KLHL18: variants seen among roughly 807,000 people sequenced by gnomAD.
KLHL18 encodes the protein kelch-like protein 18.
Under a neutral mutation model 58.5 loss-of-function variants are expected in KLHL18, and 38 were observed. The ratio of observed to expected loss-of-function variants is 0.65; its 90% CI spans 0.50 to 0.85. KLHL18 has a LOEUF of 0.85. Among genes scored for constraint, KLHL18 ranks in the 40% least tolerant of loss-of-function variants. The pLI, the probability that KLHL18 is intolerant of heterozygous loss-of-function variation, is 0.00. For missense variants in KLHL18, 624 were observed against 778.4 expected (o/e 0.80, Z 2.36); for synonymous variants, 303 against 301.9 (o/e 1.00, Z -0.04).
intron 2 of KLHL18, among the ~76,000 whole-genome samples, chr3:47,321,645 C>T (rs562956446): frequency 2.0e-5 from 3 of 152,310 alleles, no homozygotes; most frequent in South Asian, 2.1e-4. Context: ...CCACTGCGCC[C>T]GGCTTCTGCC....
At chr3:47,325,830 C>T (rs1380212940) in intron 3 of KLHL18, among the ~76,000 whole-genome samples, 4 of 150,488 alleles carry the variant, frequency 2.7e-5, no homozygotes, top group Non-Finnish European at 4.4e-5. Flanking sequence ...AGTGCAGTTT[C>T]GTGATCTCGG....
intron 1 of KLHL18, among the ~76,000 whole-genome samples, chr3:47,295,049 T>C (rs557505470): frequency 1.2e-4 from 18 of 152,276 alleles, no homozygotes; most frequent in Admixed American, 3.3e-4. Flanking sequence ...AGCTTGTGTT[T>C]TCCGTGTATA....
intron 6 of KLHL18, among the ~76,000 whole-genome samples, chr3:47,335,839 G>C (rs1703972148): frequency 6.6e-6 from 1 of 152,136 alleles, no homozygotes; most frequent in Admixed American, 6.5e-5. Context: ...GTTAATGAGA[G>C]TTGGGTACTA....
At position 47,283,001 on chromosome 3, in the gene KLHL18, G is replaced by A. The variant is rs1481312392; in HGVS notation, c.36G>A (p.Leu12=). ...VEDGAEELED[L]VHFSVSELPS... is the part of the protein sequence containing the mutation. ...ACGGCGCGGAGGAGCTGGAGGATCT[G>A]GTGCACTTCTCCGTGTCTGAGTTGC... The change falls in exon 1 of 10, where the codon CTG becomes CTA. Residue 12 remains leucine (L), a synonymous_variant. Transcript: ENST00000232766. 5 of 1,611,354 alleles carry A rather than the reference G, an allele frequency of 3.1e-6. No individual in the cohort carries two copies. The South Asian group carries it at 4.4e-5, about 14-fold the overall frequency.
chr3:47,310,376 C>T (rs1322794490), intron 1 of KLHL18, among the ~76,000 whole-genome samples: 1 of 152,144 alleles, frequency 6.6e-6, no homozygotes, highest in Non-Finnish European at 1.5e-5. Flanking sequence ...TTTCTGTGTA[C>T]CTCCCTTCTG....
intron 1 of KLHL18, among the ~76,000 whole-genome samples, chr3:47,310,950 T>A (rs1263079042): frequency 2.5e-4 from 38 of 151,824 alleles, no homozygotes; most frequent in Admixed American, 2.5e-3. Flanking sequence ...ATACTCTATC[T>A]CCACAGAGTG....
At chr3:47,307,758 T>C (rs2107606096) in intron 1 of KLHL18, among the ~76,000 whole-genome samples, 1 of 152,204 alleles carries the variant, frequency 6.6e-6, no homozygotes, top group East Asian at 1.9e-4. Flanking sequence ...ATTTGATTTT[T>C]TTTCCATGTG....
chr3:47,294,543 G>T (rs540879085), intron 1 of KLHL18, among the ~76,000 whole-genome samples: 2 of 152,254 alleles, frequency 1.3e-5, no homozygotes, highest in Non-Finnish European at 2.9e-5. Flanking sequence ...GAGCCCTGAG[G>T]CAGGAGCACA....
At chr3:47,294,967 G>A (rs1444462597) in intron 1 of KLHL18, among the ~76,000 whole-genome samples, 2 of 151,030 alleles carry the variant, frequency 1.3e-5, no homozygotes, top group Non-Finnish European at 2.9e-5. Flanking sequence ...ACTTGTCAGC[G>A]GAGCCGTGAG....
At chr3:47,320,962 G>A (rs369447953) in intron 2 of KLHL18, among the ~76,000 whole-genome samples, 18 of 152,150 alleles carry the variant, frequency 1.2e-4, no homozygotes, top group African/African-American at 3.4e-4. Context: ...GAGGAAAGAC[G>A]TAGAAGTAAG....
rs1704224955 is a variant in KLHL18, at chr3:47,346,339, T to C, written c.*2398T>C. 1 of 152,632 alleles carries C rather than the reference T, an allele frequency of 6.6e-6. No individual in the cohort carries two copies. The highest frequency in any genetic ancestry group is 1.5e-5 in the Non-Finnish European group (1 of 68,050). The allele number at this position is 152,632 out of a possible 1,614,324, so 9.5% of individuals were successfully genotyped here. On this transcript the variant is annotated 3_prime_UTR_variant, in exon 10 of 10. Coordinates refer to ENST00000232766, the MANE Select transcript of KLHL18 (RefSeq NM_025010.5). ...ATCAAGCCAGTGTTTTGATCTGGGC[T>C]CTGAGCACAAGTCAGGAAACACCAA... is the stretch of plus-strand genomic sequence containing the variant.
At chr3:47,342,680 A>G in intron 8 of KLHL18, 39 bp from the exon 9 acceptor site, 6 of 1,554,794 alleles carry the variant, frequency 3.9e-6, no homozygotes, top group Non-Finnish European at 5.3e-6. Context: ...AGAACCCTGA[A>G]TCTCATGCTT....
chr3:47,289,323 A>G (rs1014705193), intron 1 of KLHL18, among the ~76,000 whole-genome samples: 2 of 152,224 alleles, frequency 1.3e-5, no homozygotes, highest in East Asian at 1.9e-4. Context: ...CCTGGCTCTG[A>G]TAATTTAGCC....
intron 2 of KLHL18, among the ~76,000 whole-genome samples, 176 bp from the exon 3 acceptor site, chr3:47,322,392 A>G (rs1162688653): frequency 6.6e-6 from 1 of 152,204 alleles, no homozygotes; most frequent in Non-Finnish European, 1.5e-5. Context: ...AATTTTCTGT[A>G]GGGCAATGAA....
chr3:47,298,194 A>G (rs2107589855), intron 1 of KLHL18, among the ~76,000 whole-genome samples: 1 of 152,114 alleles, frequency 6.6e-6, no homozygotes, highest in East Asian at 1.9e-4. Flanking sequence ...AGCCTGGACA[A>G]CAAAGTGAGA....
chr3:47,342,830 T>C lies in KLHL18; in HGVS notation c.1338T>C (p.Ser446=). Residue 446 remains serine (S), a splice_region_variant and synonymous_variant, in exon 9 of 10, where the codon AGT becomes AGC. Transcript: ENST00000232766. ...ATGATGGTTTGCAGATCTTCAGCAG[T>C]GTGAGTCTGGGCTCCCCCTGGGATA... is the stretch of plus-strand genomic sequence containing the variant. ...GGHDGLQIFS[S]VEHYNHHTAT... 6.2e-7 allele frequency: 1 copy of C among 1,608,420 alleles called. No homozygotes were observed. The highest frequency in any genetic ancestry group is 8.5e-7 in the Non-Finnish European group (1 of 1,174,738).
At chr3:47,325,615 C>T (rs1703699028) in intron 3 of KLHL18, among the ~76,000 whole-genome samples, 1 of 152,194 alleles carries the variant, frequency 6.6e-6, no homozygotes, top group African/African-American at 2.4e-5. Context: ...GTTCTTAAAG[C>T]CACAGTTCCT....
At chr3:47,326,092 C>T (rs997396214) in intron 3 of KLHL18, among the ~76,000 whole-genome samples, 1 of 152,108 alleles carries the variant, frequency 6.6e-6, no homozygotes, top group Non-Finnish European at 1.5e-5. Flanking sequence ...GGGCTACAGG[C>T]GTGTGCCACC....
chr3:47,318,743 T>C (rs1703514162), intron 1 of KLHL18, among the ~76,000 whole-genome samples: 2 of 152,232 alleles, frequency 1.3e-5, no homozygotes, highest in South Asian at 4.1e-4. Flanking sequence ...TTTTTTCTTT[T>C]GTAATAAACC....
Sources: allele counts gnomAD v4.1 joint callset (sites outside exome capture counted in the v4.1 genomes callset), GRCh38; gene constraint gnomAD v4.1.1; transcripts MANE v1.5; gene names NCBI Gene and HGNC (gene_info 2026-07-23, HGNC 2026-07-21).